AGBL2: variants seen among roughly 807,000 people sequenced by gnomAD.
The protein encoded by AGBL2 is cytosolic carboxypeptidase 2.
AGBL2 carries 87 observed loss-of-function variants against 103.0 expected under a neutral mutation model. That is an observed-to-expected ratio of 0.84 (90% CI 0.71 to 1.01). AGBL2 has a LOEUF of 1.01. Among genes scored for constraint, AGBL2 ranks in the 50% least tolerant of loss-of-function variants. The probability of loss-of-function intolerance (pLI) is 0.00; values close to 1 mark genes in which losing one functional copy is unlikely to be tolerated. For missense variants in AGBL2, 904 were observed against 1,023.5 expected, an observed-to-expected ratio of 0.88 and a Z score of 1.59; for synonymous variants, 335 against 356.7, an observed-to-expected ratio of 0.94 and a Z score of 0.69.
intron 18 of AGBL2, among the ~76,000 whole-genome samples, chr11:47,662,158 T>A (rs987165459): frequency 1.3e-5 from 2 of 152,020 alleles, no homozygotes; most frequent in African/African-American, 4.8e-5. Flanking sequence ...ACTCTTTTTT[T>A]AAAGTTTTTA....
rs574409016 is a variant in AGBL2, at chr11:47,666,869, A to G, written c.2448+87T>C. 9.8e-5 allele frequency: 86 copies of G among 878,866 alleles called. No individual in the cohort carries two copies. The African/African-American group carries it at 1.3e-3, about 14-fold the overall frequency. 54.4% of individuals were successfully genotyped at this position (878,866 alleles called of 1,614,324 possible). On this transcript the variant is annotated intron_variant, in intron 17 of 18. Coordinates refer to ENST00000525123, the MANE Select transcript of AGBL2 (RefSeq NM_024783.4). Reference sequence around the variant, plus strand: ...TCAGGTTAGGGTAACGTAAATGGCTATTACATTTGTCACATTGTGGGAGAG... The same window carrying G: ...TCAGGTTAGGGTAACGTAAATGGCTGTTACATTTGTCACATTGTGGGAGAG...
At chr11:47,693,307 G>A (rs535559034) in intron 8 of AGBL2, among the ~76,000 whole-genome samples, 4 of 152,172 alleles carry the variant, frequency 2.6e-5, no homozygotes, top group South Asian at 4.2e-4. Flanking sequence ...GACTACAGGC[G>A]TGCACCACCC....
intron 14 of AGBL2, among the ~76,000 whole-genome samples, chr11:47,669,436 A>G (rs1014791869): frequency 2.5e-4 from 38 of 152,100 alleles, no homozygotes; most frequent in Non-Finnish European, 5.0e-4. Context: ...TTGGGAGGCC[A>G]AGGTGGGTGG....
chr11:47,697,714 T>C (rs530387529), intron 8 of AGBL2, among the ~76,000 whole-genome samples: 1 of 151,112 alleles, frequency 6.6e-6, no homozygotes, highest in East Asian at 1.9e-4. Context: ...CCCGGCTATT[T>C]TTTTTGTATT....
At chr11:47,714,790 A>G in intron 1 of AGBL2, 40 bp from the exon 2 acceptor site, 1 of 847,674 alleles carries the variant, frequency 1.2e-6, no homozygotes, top group Admixed American at 1.9e-5. Context: ...AACTGCCAAT[A>G]CCTCCCCGGG....
chr11:47,678,794 G>A lies in AGBL2; in HGVS notation c.2016+1179C>T, dbSNP rs1009972037. ...GACACCTGGCTGGGCACAGTGGCTC[G>A]CGCCTATAATCCCAGCAGTTTGGGA... is the stretch of plus-strand genomic sequence containing the variant. On this transcript the variant is annotated intron_variant, in intron 13 of 18. Transcript: ENST00000525123. Among the ~76,000 whole-genome samples, 32 of 149,238 alleles carry A rather than the reference G, an allele frequency of 2.1e-4. No homozygotes were observed. The East Asian group carries it at 5.9e-3, about 27-fold the overall frequency.
At chr11:47,671,303 T>C (rs2097356682) in intron 14 of AGBL2, among the ~76,000 whole-genome samples, 3 of 151,780 alleles carry the variant, frequency 2.0e-5, no homozygotes, top group Admixed American at 6.6e-5. Flanking sequence ...TCACTTGAGG[T>C]CAGGAATTCG....
chr11:47,690,412 T>G lies in AGBL2; in HGVS notation c.1295A>C (p.Asn432Thr). The change falls in exon 10 of 19, where the codon AAT becomes ACT. Residue 432 changes from asparagine (N) to threonine (T), a missense_variant. By Grantham distance (65) the Asn-to-Thr change is moderately conservative (BLOSUM62 0). Coordinates refer to ENST00000525123, the MANE Select transcript of AGBL2 (RefSeq NM_024783.4). ...LQTLCRSLAG[N>T]TVYLLTITNP... is the part of the protein sequence containing the mutation. ...GGTGATGGTGAGCAAGTAAACGGTATTTCCTGCTAGGCTCCTGCATAAAGT... is the reference window on the plus strand; with the variant it reads ...GGTGATGGTGAGCAAGTAAACGGTAGTTCCTGCTAGGCTCCTGCATAAAGT... 1 of 1,614,138 alleles carries G rather than the reference T, an allele frequency of 6.2e-7. No homozygotes were observed.
chr11:47,691,729 A>AAAAAAAAAATAT, intron 9 of AGBL2, among the ~76,000 whole-genome samples: 8 of 4,856 alleles, frequency 1.6e-3, no homozygotes, highest in African/African-American at 2.2e-3. Flanking sequence ...AAAAAAAAAA[A>AAAAAAAAAATAT]ATATATATAT....
chr11:47,681,884 A>C, intron 12 of AGBL2, 85 bp downstream of exon 12: 1 of 1,506,814 alleles, frequency 6.6e-7, no homozygotes, highest in African/African-American at 1.4e-5. Flanking sequence ...TTATCTCCCC[A>C]GCATTCAAAG....
chr11:47,667,795 C>G, intron 15 of AGBL2, 99 bp from the exon 16 acceptor site: 1 of 1,292,586 alleles, frequency 7.7e-7, no homozygotes, highest in East Asian at 2.3e-5. Flanking sequence ...CAAAGGCTAA[C>G]TCGGTATGCA....
At chr11:47,686,338 G>A (rs2153803957) in intron 10 of AGBL2, among the ~76,000 whole-genome samples, 1 of 152,018 alleles carries the variant, frequency 6.6e-6, no homozygotes, top group Admixed American at 6.6e-5. Flanking sequence ...GCCTGACCAT[G>A]GCTCACTGTA....
chr11:47,663,356 T>C (rs11039329), intron 17 of AGBL2, among the ~76,000 whole-genome samples: 53,206 of 152,042 alleles, frequency 0.35, 10,503 homozygotes, highest in South Asian at 0.52. Context: ...CACACAACTT[T>C]AGGATGTAGA....
At chr11:47,664,887 T>A (rs1250534948) in intron 17 of AGBL2, among the ~76,000 whole-genome samples, 13 of 139,618 alleles carry the variant, frequency 9.3e-5, no homozygotes, top group South Asian at 2.3e-4. Context: ...TTTTTTTTTT[T>A]TTTTTTTAAT....
chr11:47,696,634 A>G lies in AGBL2; in HGVS notation c.694+2812T>C, dbSNP rs116792925. Among the ~76,000 whole-genome samples, 1,399 of 152,154 alleles carry G rather than the reference A, an allele frequency of 9.2e-3. 27 individuals are homozygous for G. Among genetic ancestry groups the G allele is most frequent in the African/African-American group, 0.032 (1,338 of 41,508 alleles). On this transcript the variant is annotated intron_variant, in intron 8 of 18. Transcript: ENST00000525123. Reference sequence around the variant, plus strand: ...TTGTTATAATGTATTTAAACCTTTTATTTCTTCCTTGAGTCAGTTTTTGTA... The same window carrying G: ...TTGTTATAATGTATTTAAACCTTTTGTTTCTTCCTTGAGTCAGTTTTTGTA...
chr11:47,714,754 C>A lies in AGBL2; in HGVS notation c.-100-4G>T. 4.0e-6 allele frequency: 5 copies of A among 1,241,876 alleles called. No individual in the cohort carries two copies. Among genetic ancestry groups the A allele is most frequent in the Non-Finnish European group, 5.9e-6 (5 of 842,496 alleles). The allele number at this position is 1,241,876 out of a possible 1,614,324, so 76.9% of individuals were successfully genotyped here. On this transcript the variant is annotated splice_region_variant and splice_polypyrimidine_tract_variant and intron_variant, in intron 1 of 18. Transcript: ENST00000525123. Reference sequence around the variant, plus strand: ...GCAGCTGATTACACAAGAGAAGCTACAAAGCCACAAGAGGACAAGTGAAAA... The same window carrying A: ...GCAGCTGATTACACAAGAGAAGCTAAAAAGCCACAAGAGGACAAGTGAAAA...
At position 47,690,751 on chromosome 11, in the gene AGBL2, C is replaced by T. The variant is rs771437761; in HGVS notation, c.956G>A (p.Arg319His). ...VQNTRKDATY[R>H]FTIVNLLKPK... ...TTTTAGCAAGTTGACAATGGTGAAG[C>T]GATAGGTAGCATCTTTTCTGGTGTT... Residue 319 changes from arginine (R) to histidine (H), a missense_variant, in exon 10 of 19, where the codon CGC becomes CAC. Arg to His is a conservative substitution (Grantham distance 29). Transcript: ENST00000525123. 70 of 1,614,032 alleles carry T rather than the reference C, an allele frequency of 4.3e-5. No individual in the cohort carries two copies. The highest frequency in any genetic ancestry group is 2.5e-4 in the East Asian group (11 of 44,874).
intron 10 of AGBL2, among the ~76,000 whole-genome samples, chr11:47,689,680 A>G (rs1347697011): frequency 6.6e-6 from 1 of 152,138 alleles, no homozygotes; most frequent in Non-Finnish European, 1.5e-5. Context: ...TGAAGATTAA[A>G]TGAGTCATGT....
chr11:47,680,786 GAAACA>G (rs56208874), intron 12 of AGBL2, among the ~76,000 whole-genome samples: 12,833 of 147,536 alleles, frequency 0.087, 809 homozygotes, highest in African/African-American at 0.18. Flanking sequence ...GGGAGACCCT[GAAACA>G]AAACAAAACA....
Sources: gnomAD v4.1 joint callset for allele counts (sites outside exome capture counted in the v4.1 genomes callset) on GRCh38, gnomAD v4.1.1 for gene constraint, MANE v1.5 for transcripts, NCBI Gene and HGNC (gene_info 2026-07-23, HGNC 2026-07-21) for gene names.